The following SPTBN4 variants were observed in gnomAD, a reference collection of about 807,000 sequenced individuals.
SPTBN4 encodes the protein spectrin beta chain, non-erythrocytic 4.
Under a neutral mutation model 277.8 loss-of-function variants are expected in SPTBN4, and 96 were observed. That is an observed-to-expected ratio of 0.35 (90% CI 0.29 to 0.41). The LOEUF (loss-of-function observed/expected upper bound fraction) is 0.41. Among genes scored for constraint, SPTBN4 ranks in the 10% least tolerant of loss-of-function variants. The pLI, the probability that SPTBN4 is intolerant of heterozygous loss-of-function variation, is 1.00. For missense variants in SPTBN4, 3,006 were observed against 3,595.7 expected (o/e 0.84, Z 4.19); for synonymous variants, 1,481 against 1,580.3 (o/e 0.94, Z 1.49).
At position 40,570,651 on chromosome 19, in the gene SPTBN4, G is replaced by C; in HGVS notation, c.7242G>C (p.Pro2414=). Residue 2414 remains proline (P), a synonymous_variant, in exon 33 of 36, where the codon CCG becomes CCC. Coordinates refer to ENST00000598249, the MANE Select transcript of SPTBN4 (RefSeq NM_020971.3). ...GCTCCGCCCCCGCGCCTCCGCCACCGCCCACTCACACAGTGCAGCACGAGG... is the reference window on the plus strand; with the variant it reads ...GCTCCGCCCCCGCGCCTCCGCCACCCCCCACTCACACAGTGCAGCACGAGG... ...QGGSAPAPPP[P]PTHTVQHEGF... The C allele has an allele frequency of 6.5e-7, 1 of 1,528,694 alleles. No homozygotes were observed. Among genetic ancestry groups the C allele is most frequent in the East Asian group, 2.8e-5 (1 of 36,310 alleles). The allele number at this position is 1,528,694 out of a possible 1,614,324, so 94.7% of individuals were successfully genotyped here.
At chr19:40,518,510 G>A (rs2080485603) in intron 15 of SPTBN4, among the ~76,000 whole-genome samples, 1 of 151,886 alleles carries the variant, frequency 6.6e-6, no homozygotes, top group African/African-American at 2.4e-5. Flanking sequence ...ATGGCTCACT[G>A]CAGCCTCGAC....
chr19:40,508,611 C>G (rs1255809670), intron 13 of SPTBN4, among the ~76,000 whole-genome samples: 9 of 152,178 alleles, frequency 5.9e-5, no homozygotes, highest in Admixed American at 5.9e-4. Flanking sequence ...TCGCTTGAAT[C>G]TGGGAGGCGG....
At chr19:40,470,460 C>A (rs946002872) in intron 1 of SPTBN4, among the ~76,000 whole-genome samples, 1 of 152,004 alleles carries the variant, frequency 6.6e-6, no homozygotes, top group Non-Finnish European at 1.5e-5. Context: ...GCATGCACTA[C>A]CATGCCCAGC....
chr19:40,553,418 G>A (rs2080940467), intron 22 of SPTBN4, among the ~76,000 whole-genome samples: 1 of 152,156 alleles, frequency 6.6e-6, no homozygotes, highest in Middle Eastern at 3.2e-3. Flanking sequence ...GGAGTTTAAA[G>A]CTGCTGCATT....
chr19:40,516,654 T>C (rs943178812), intron 15 of SPTBN4, among the ~76,000 whole-genome samples: 11 of 152,058 alleles, frequency 7.2e-5, no homozygotes, highest in African/African-American at 2.7e-4. Context: ...TGAAACCCCA[T>C]CTCTACTAAA....
chr19:40,495,021 C>G, intron 6 of SPTBN4, 44 bp downstream of exon 6: 1 of 1,579,882 alleles, frequency 6.3e-7, no homozygotes, highest in Admixed American at 1.7e-5. Flanking sequence ...CTTCAGCCCC[C>G]CATATCCCTG....
At chr19:40,547,076 A>G (rs1434316240) in intron 20 of SPTBN4, among the ~76,000 whole-genome samples, 1 of 152,158 alleles carries the variant, frequency 6.6e-6, no homozygotes, top group African/African-American at 2.4e-5. Context: ...CATGTGCACA[A>G]TGTGCAGGTT....
chr19:40,569,058 C>T (rs2081124323), intron 31 of SPTBN4, among the ~76,000 whole-genome samples: 1 of 151,732 alleles, frequency 6.6e-6, no homozygotes. Context: ...GGAATGGGGG[C>T]GATTGGGGGA....
chr19:40,517,840 G>T (rs2080477771), intron 15 of SPTBN4, among the ~76,000 whole-genome samples: 2 of 152,146 alleles, frequency 1.3e-5, no homozygotes. Context: ...AGAAGGAAAT[G>T]ATTTGCCCAA....
At chr19:40,566,695 C>A (rs774919663) in intron 30 of SPTBN4, among the ~76,000 whole-genome samples, 1 of 152,218 alleles carries the variant, frequency 6.6e-6, no homozygotes, top group South Asian at 2.1e-4. Flanking sequence ...CCAGGTGTGA[C>A]GGCTCATGCC....
chr19:40,495,572 C>T (rs2080187198), intron 6 of SPTBN4, among the ~76,000 whole-genome samples: 1 of 152,032 alleles, frequency 6.6e-6, no homozygotes, highest in Non-Finnish European at 1.5e-5. Flanking sequence ...CGCTTGAACC[C>T]AGGAGGCGGA....
chr19:40,492,914 A>C (rs2145832636), intron 4 of SPTBN4, 49 bp from the exon 5 acceptor site: 1 of 1,547,668 alleles, frequency 6.5e-7, no homozygotes, highest in East Asian at 2.3e-5. Flanking sequence ...GGGGCATTCG[A>C]AGCCTCAAGC....
At chr19:40,566,997 C>A (rs954436678) in intron 30 of SPTBN4, 36 of 272,716 alleles carry the variant, frequency 1.3e-4, no homozygotes, top group African/African-American at 3.5e-4. Flanking sequence ...CAAAAAAAAA[C>A]CGCTTAAAGG....
chr19:40,477,706 A>G (rs1419030851), intron 2 of SPTBN4, among the ~76,000 whole-genome samples: 1 of 152,190 alleles, frequency 6.6e-6, no homozygotes, highest in African/African-American at 2.4e-5. Flanking sequence ...TGGCATGAAC[A>G]CTGGAGTGAA....
rs71173645 is a variant in SPTBN4, at chr19:40,531,464, G to GTTTTTTTTT, written c.3949-1134_3949-1126dup. Among the ~76,000 whole-genome samples the GTTTTTTTTT allele has an allele frequency of 4.2e-4, 17 of 40,932 alleles. 2 individuals carry two copies. Among genetic ancestry groups the GTTTTTTTTT allele is most frequent in the African/African-American group, 5.6e-4 (7 of 12,434 alleles). 26.9% of individuals were successfully genotyped at this position (40,932 alleles called of 152,430 possible). A position where few individuals can be genotyped will look rare whatever the true frequency, so the allele number is the denominator to read the frequency against. On this transcript the variant is annotated intron_variant, in intron 18 of 35. Transcript: ENST00000598249. The stretch of plus-strand genomic sequence containing the variant: ...ACCGCGGAGCTGGAGTCCAGTGTTT[G>GTTTTTTTTT]TTTTTTTTTTTTTTTTTTTTTTTTT...
chr19:40,510,037 G>T (rs2080373601), intron 13 of SPTBN4, among the ~76,000 whole-genome samples: 1 of 152,132 alleles, frequency 6.6e-6, no homozygotes, highest in African/African-American at 2.4e-5. Context: ...GAATACAGCA[G>T]AGGGGCCAGT....
chr19:40,481,135 C>T (rs184321947), intron 2 of SPTBN4, among the ~76,000 whole-genome samples: 12 of 152,208 alleles, frequency 7.9e-5, no homozygotes, highest in African/African-American at 2.4e-4. Context: ...TGGACATATG[C>T]GCTTGTTTCT....
intron 33 of SPTBN4, 72 bp from the exon 34 acceptor site, chr19:40,571,947 T>A: frequency 6.8e-7 from 1 of 1,471,726 alleles, no homozygotes; most frequent in Non-Finnish European, 9.0e-7. Context: ...TATTCAGACC[T>A]TGAGGATGTT....
Position 40,541,112 on chromosome 19 carries a change from G to A in SPTBN4, c.4359+6769G>A, listed in dbSNP as rs184605328. ...TATTTTTTTCCAATGCTACTGGCGA[G>A]CTTGACCATCTTTGACCTTCTTTTG... On this transcript the variant is annotated intron_variant, in intron 20 of 35. Coordinates refer to ENST00000598249, the MANE Select transcript of SPTBN4 (RefSeq NM_020971.3). 9.2e-5 allele frequency among the ~76,000 whole-genome samples: 14 copies of A among 152,300 alleles called. No homozygotes were observed. The East Asian group carries it at 2.7e-3, about 29-fold the overall frequency.
Sources: allele counts gnomAD v4.1 joint callset (sites outside exome capture counted in the v4.1 genomes callset), GRCh38; gene constraint gnomAD v4.1.1; transcripts MANE v1.5; gene names NCBI Gene and HGNC (gene_info 2026-07-23, HGNC 2026-07-21).